The following KCNIP2 variants were observed in gnomAD, a reference collection of about 807,000 sequenced individuals.
KCNIP2 encodes the protein A-type potassium channel modulatory protein KCNIP2.
In KCNIP2, 19 loss-of-function variants were observed where a neutral mutation model predicts 39.0. That is an observed-to-expected ratio of 0.49 (90% CI 0.34 to 0.71). KCNIP2 has a LOEUF of 0.71. Among genes scored for constraint, KCNIP2 ranks in the 30% least tolerant of loss-of-function variants. The pLI is 0.01. For synonymous variants in KCNIP2, 111 were observed against 131.2 expected (o/e 0.85, Z 1.05); for missense variants, 261 against 346.0 (o/e 0.75, Z 1.95).
chr10:101,843,564 C>T lies in KCNIP2; in HGVS notation c.5G>A (p.Arg2Gln), dbSNP rs1412099896. The change falls in exon 1 of 10, where the codon CGG becomes CAG. Residue 2 changes from arginine (R) to glutamine (Q), a missense_variant. Coordinates refer to ENST00000356640, the MANE Select transcript of KCNIP2 (RefSeq NM_173191.3). This position sits in a 1 kb window ranked among gnomAD's most constrained non-coding sequence, Gnocchi z 6.7. M[R>Q]GQGRKESLSD... ...CAAACTCTCCTTGCGGCCCTGGCCCCGCATGGCCCCCGGCGCCCCGCTCCC... is the reference window on the plus strand; with the variant it reads ...CAAACTCTCCTTGCGGCCCTGGCCCTGCATGGCCCCCGGCGCCCCGCTCCC... The T allele has an allele frequency of 6.5e-7, 1 of 1,534,260 alleles. No individual in the cohort carries two copies. The highest frequency in any genetic ancestry group is 8.8e-7 in the Non-Finnish European group (1 of 1,141,424).
At chr10:101,839,914 G>C in intron 1 of KCNIP2, 1 of 1,438,358 alleles carries the variant, frequency 7.0e-7, no homozygotes, top group East Asian at 2.6e-5. Flanking sequence ...CCTCACCCGG[G>C]TAGGCCCGCG....
At chr10:101,829,813 C>T in intron 3 of KCNIP2, 31 bp downstream of exon 3, 1 of 1,352,780 alleles carries the variant, frequency 7.4e-7, no homozygotes, top group African/African-American at 1.6e-5. Context: ...CCGCCCTGCC[C>T]CGCCCCGCCC....
In KCNIP2 at chr10:101,826,549, AT is replaced by A. The variant is rs1181013061; in HGVS notation, c.*803del. 6.6e-6 allele frequency: 1 copy of A among 152,280 alleles called. No homozygotes were observed. Among genetic ancestry groups the A allele is most frequent in the Admixed American group, 6.5e-5 (1 of 15,278 alleles). 9.4% of individuals were successfully genotyped at this position (152,280 alleles called of 1,614,324 possible). ...AATTTTGGCAGGCATCAGCCAGGAC[AT>A]CCCCCATCCACATTCCCCCACCACA... is the stretch of plus-strand genomic sequence containing the variant. On this transcript the variant is annotated 3_prime_UTR_variant, in exon 10 of 10. Transcript: ENST00000356640.
chr10:101,828,862 A>G lies in KCNIP2; in HGVS notation c.349-166T>C. On this transcript the variant is annotated intron_variant, in intron 4 of 9. Transcript: ENST00000356640. This position sits in a 1 kb window ranked among gnomAD's most constrained non-coding sequence, Gnocchi z 6.6. ...GGAGGGAAGACTTCTTTCCCAGTGC[A>G]CAAATAAAAAACATGGAACGAAACT... The G allele has an allele frequency of 6.4e-7, 1 of 1,552,692 alleles. No homozygotes were observed. The highest frequency in any genetic ancestry group is 8.7e-7 in the Non-Finnish European group (1 of 1,148,144).
At chr10:101,833,015 G>A (rs566608081) in intron 1 of KCNIP2, among the ~76,000 whole-genome samples, 29 of 149,170 alleles carry the variant, frequency 1.9e-4, no homozygotes, top group Non-Finnish European at 3.9e-4. Flanking sequence ...AAATGCAGCA[G>A]AGGATGGAGG....
At position 101,827,701 on chromosome 10, in the gene KCNIP2, C is replaced by G; in HGVS notation, c.753G>C (p.Glu251Asp). 1.9e-6 allele frequency: 3 copies of G among 1,614,142 alleles called. No individual in the cohort carries two copies. The highest frequency in any genetic ancestry group is 2.5e-6 in the Non-Finnish European group (3 of 1,179,976). The part of the protein sequence containing the change: ...DGVVTIEEFI[E>D]SCQKDENIMR... The stretch of plus-strand genomic sequence containing the variant: ...CAGGGAGCTGTACCTTTTGACAAGA[C>G]TCAATGAATTCCTCAATGGTCACCA... Residue 251 changes from glutamate to aspartate, a missense_variant, in exon 9 of 10, where the codon GAG (glutamate) becomes GAC (aspartate). Transcript: ENST00000356640.
rs541444156 is a variant in KCNIP2, at chr10:101,838,067, G to C, written c.73+5429C>G. Among the ~76,000 whole-genome samples, 1 of 152,190 alleles carries C rather than the reference G, an allele frequency of 6.6e-6. No individual in the cohort carries two copies. Among genetic ancestry groups the C allele is most frequent in the Non-Finnish European group, 1.5e-5 (1 of 68,038 alleles). On this transcript the variant is annotated intron_variant, in intron 1 of 9. Transcript: ENST00000356640. The surrounding 1 kb of genome is among the most constrained non-coding windows in gnomAD (Gnocchi z 4.0). ...TCCTGTGGCAGAGTCTGTCAGGAGT[G>C]AAAGGATGAGTTATTTTTCCAGGCT...
At chr10:101,831,477 C>G (rs2135159947) in intron 1 of KCNIP2, among the ~76,000 whole-genome samples, 1 of 152,262 alleles carries the variant, frequency 6.6e-6, no homozygotes, top group East Asian at 1.9e-4. Flanking sequence ...GGCTGGACCT[C>G]TCAGGATGAT....
At chr10:101,829,249 C>CCT in intron 3 of KCNIP2, 50 bp from the exon 4 acceptor site, 1 of 1,562,140 alleles carries the variant, frequency 6.4e-7, no homozygotes, top group Non-Finnish European at 8.7e-7. Context: ...CTCCGCGACC[C>CCT]CTCTTCAAAT....
intron 1 of KCNIP2, chr10:101,839,660 A>G (rs1294098280): frequency 1.8e-6 from 2 of 1,133,792 alleles, no homozygotes; most frequent in Non-Finnish European, 2.7e-6. Flanking sequence ...CATCTATTTG[A>G]GGGGCCCTTC....
chr10:101,837,657 C>T lies in KCNIP2; in HGVS notation c.73+5839G>A, dbSNP rs976152836. Among the ~76,000 whole-genome samples the T allele has an allele frequency of 2.6e-5, 4 of 152,190 alleles. No homozygotes were observed. In the East Asian group the frequency reaches 7.7e-4, roughly 29 times the overall value. Reference sequence around the variant, plus strand: ...CTCCAGTCTGACTGAAAGAGCAAAACTCTGTCTCAATAATAATAATAATGA... The same window carrying T: ...CTCCAGTCTGACTGAAAGAGCAAAATTCTGTCTCAATAATAATAATAATGA... On this transcript the variant is annotated intron_variant, in intron 1 of 9. Coordinates refer to ENST00000356640, the MANE Select transcript of KCNIP2 (RefSeq NM_173191.3).
At position 101,831,237 on chromosome 10, in the gene KCNIP2, G is replaced by A. The variant is rs546171339; in HGVS notation, c.74-70C>T. Reference sequence around the variant, plus strand: ...TCCCTCTGTTCCCTGTCCCCTCCCCGCCAGTCACAAATCAACCCCATCTGG... The same window carrying A: ...TCCCTCTGTTCCCTGTCCCCTCCCCACCAGTCACAAATCAACCCCATCTGG... On this transcript the variant is annotated intron_variant, in intron 1 of 9. Transcript: ENST00000356640. The A allele has an allele frequency of 5.0e-6, 6 of 1,189,652 alleles. No individual in the cohort carries two copies. The African/African-American group carries it at 7.6e-5, about 15-fold the overall frequency. The allele number at this position is 1,189,652 out of a possible 1,614,324, so 73.7% of individuals were successfully genotyped here.
intron 1 of KCNIP2, among the ~76,000 whole-genome samples, chr10:101,840,072 GCGGGGA>G: frequency 6.8e-6 from 1 of 147,556 alleles, no homozygotes; most frequent in African/African-American, 2.5e-5. Flanking sequence ...GGGGGGGGTG[GCGGGGA>G]GGGGCGGCGC....
chr10:101,830,419 C>G, intron 2 of KCNIP2: 1 of 1,294,058 alleles, frequency 7.7e-7, no homozygotes, highest in Non-Finnish European at 1.0e-6. Context: ...GTTGAAGACA[C>G]TAACCCAGCT....
intron 2 of KCNIP2, among the ~76,000 whole-genome samples, chr10:101,830,152 C>A (rs1351557436): frequency 6.6e-6 from 1 of 152,176 alleles, no homozygotes; most frequent in Non-Finnish European, 1.5e-5. Context: ...CAAAGCGGGC[C>A]TTTATGGTTT....
chr10:101,830,943 G>GC (rs1354226749), intron 2 of KCNIP2, 129 bp downstream of exon 2: 87 of 848,190 alleles, frequency 1.0e-4, no homozygotes, highest in East Asian at 1.1e-4. Flanking sequence ...CCTGGGGCAC[G>GC]CCCCCCCACA....
intron 1 of KCNIP2, chr10:101,839,605 G>T: frequency 1.4e-6 from 1 of 733,074 alleles, no homozygotes; most frequent in Non-Finnish European, 2.4e-6. Flanking sequence ...TTCTGTCCAG[G>T]ATCTCGTCTT....
chr10:101,837,301 C>A (rs756457371), intron 1 of KCNIP2, among the ~76,000 whole-genome samples: 6 of 152,056 alleles, frequency 3.9e-5, no homozygotes, highest in African/African-American at 1.4e-4. Context: ...TGAAGCTCCC[C>A]GCCAAGATAA....
chr10:101,829,317 C>G (rs565489427), intron 3 of KCNIP2, 118 bp from the exon 4 acceptor site: 3 of 1,325,252 alleles, frequency 2.3e-6, no homozygotes, highest in South Asian at 1.5e-5. Flanking sequence ...GGAGACCAGG[C>G]TGCCAGTTCC....
Sources: allele counts gnomAD v4.1 joint callset (sites outside exome capture counted in the v4.1 genomes callset), GRCh38; gene constraint gnomAD v4.1.1; non-coding constraint Gnocchi (gnomAD v3.1); transcripts MANE v1.5; gene names NCBI Gene and HGNC (gene_info 2026-07-23, HGNC 2026-07-21).